LRRIQ1: variants seen among roughly 807,000 people sequenced by gnomAD.
LRRIQ1 encodes leucine rich repeats and IQ motif containing 1, also known as leucine-rich repeat- and IQ domain-containing protein 1.
Under a neutral mutation model 211.9 loss-of-function variants are expected in LRRIQ1, and 210 were observed. That is an observed-to-expected ratio of 0.99 (90% confidence interval 0.89 to 1.11). LRRIQ1 has a LOEUF of 1.11. Among genes scored for constraint, LRRIQ1 ranks in the 50% most tolerant of loss-of-function variants. LRRIQ1 has a pLI of 0.00. For synonymous variants in LRRIQ1, 699 were observed against 650.1 expected (o/e 1.08, Z -1.14); for missense variants, 2,136 against 1,939.5 (o/e 1.10, Z -1.90).
intron 24 of LRRIQ1, among the ~76,000 whole-genome samples, chr12:85,195,238 A>G (rs1892831317): frequency 6.6e-6 from 1 of 152,012 alleles, no homozygotes; most frequent in Non-Finnish European, 1.5e-5. Context: ...GAATTCTACC[A>G]GAGGTACAAG....
intron 26 of LRRIQ1, among the ~76,000 whole-genome samples, chr12:85,241,000 C>T (rs1234959896): frequency 6.6e-6 from 1 of 151,992 alleles, no homozygotes; most frequent in Non-Finnish European, 1.5e-5. Context: ...ATAATTTATA[C>T]ATATGATAAA....
intron 24 of LRRIQ1, among the ~76,000 whole-genome samples, chr12:85,179,470 A>C (rs529199138): frequency 6.6e-6 from 1 of 152,120 alleles, no homozygotes; most frequent in Admixed American, 6.6e-5. Context: ...CAATATTGTG[A>C]TTATAATATT....
intron 9 of LRRIQ1, among the ~76,000 whole-genome samples, 192 bp downstream of exon 9, chr12:85,065,606 A>G (rs1160699434): frequency 6.6e-6 from 1 of 151,830 alleles, no homozygotes; most frequent in Non-Finnish European, 1.5e-5. Context: ...ACAACCTAAA[A>G]TGACCTATCT....
At chr12:85,230,347 G>A (rs1213993740) in intron 25 of LRRIQ1, among the ~76,000 whole-genome samples, 1 of 152,152 alleles carries the variant, frequency 6.6e-6, no homozygotes, top group Admixed American at 6.5e-5. Context: ...GTGTCAGCAG[G>A]TTTAGTATCT....
intron 26 of LRRIQ1, among the ~76,000 whole-genome samples, chr12:85,243,147 G>A (rs1275545282): frequency 2.0e-5 from 3 of 149,384 alleles, no homozygotes; most frequent in Non-Finnish European, 4.5e-5. Context: ...TGTTACCTAA[G>A]TAGCCTCTCC....
chr12:85,250,118 A>C (rs1895860360), intron 1 of LRRIQ1, among the ~76,000 whole-genome samples: 1 of 151,808 alleles, frequency 6.6e-6, no homozygotes, highest in Non-Finnish European at 1.5e-5. Context: ...GAATTGATAC[A>C]TGGATGGATG....
intron 24 of LRRIQ1, among the ~76,000 whole-genome samples, chr12:85,218,404 T>A (rs1011427628): frequency 1.8e-4 from 28 of 152,100 alleles, no homozygotes; most frequent in Non-Finnish European, 4.4e-5. Context: ...TTTACTTTTT[T>A]AAATAAAAAA....
intron 1 of LRRIQ1, among the ~76,000 whole-genome samples, chr12:85,259,788 A>G (rs766225118): frequency 1.3e-5 from 2 of 152,132 alleles, no homozygotes; most frequent in Non-Finnish European, 2.9e-5. Context: ...TGCTTAAGGA[A>G]TTATACCAAG....
intron 24 of LRRIQ1, among the ~76,000 whole-genome samples, chr12:85,198,659 C>G (rs1244882280): frequency 2.6e-5 from 4 of 151,888 alleles, no homozygotes; most frequent in African/African-American, 9.7e-5. Context: ...GCTCCGCCTC[C>G]TGGGTTCACT....
chr12:85,129,956 C>T (rs1381402781), intron 18 of LRRIQ1, among the ~76,000 whole-genome samples: 1 of 152,150 alleles, frequency 6.6e-6, no homozygotes, highest in Non-Finnish European at 1.5e-5. Context: ...AAGAATATCA[C>T]ATTCCAGAAT....
chr12:85,262,950 A>G (rs1896338945), exon 2 of LRRIQ1: 3 of 986,928 alleles, frequency 3.0e-6, no homozygotes, highest in Middle Eastern at 2.8e-4. Flanking sequence ...ATCGCCAATA[A>G]TAACAAATAC....
intron 15 of LRRIQ1, among the ~76,000 whole-genome samples, chr12:85,108,369 C>T (rs1886932273): frequency 6.6e-6 from 1 of 152,044 alleles, no homozygotes; most frequent in Non-Finnish European, 1.5e-5. Context: ...CTCAAGAAAT[C>T]CTCCCACCTC....
intron 26 of LRRIQ1, among the ~76,000 whole-genome samples, chr12:85,236,567 G>T (rs1364726695): frequency 6.6e-6 from 1 of 151,896 alleles, no homozygotes; most frequent in Non-Finnish European, 1.5e-5. Flanking sequence ...ACTGGATATT[G>T]CAGAAGGATG....
intron 25 of LRRIQ1, 65 bp from the exon 26 acceptor site, chr12:85,232,631 G>A (rs375023546): frequency 6.1e-6 from 8 of 1,313,164 alleles, no homozygotes; most frequent in South Asian, 2.7e-5. Context: ...TTAGTTGGAC[G>A]TTTCTTTTAT....
chr12:85,108,803 T>G (rs960674397), intron 15 of LRRIQ1, among the ~76,000 whole-genome samples: 1 of 152,152 alleles, frequency 6.6e-6, no homozygotes, highest in Non-Finnish European at 1.5e-5. Flanking sequence ...GGCTACAATT[T>G]AGGAAAATGA....
chr12:85,219,993 G>A (rs1455390120), intron 24 of LRRIQ1, among the ~76,000 whole-genome samples: 2 of 152,024 alleles, frequency 1.3e-5, no homozygotes, highest in African/African-American at 4.8e-5. Flanking sequence ...TTTTAGTTGT[G>A]CTTTATTTGT....
chr12:85,236,675 T>G (rs1284820137), intron 26 of LRRIQ1, among the ~76,000 whole-genome samples: 2 of 151,618 alleles, frequency 1.3e-5, no homozygotes, highest in East Asian at 1.9e-4. Flanking sequence ...AGTAGGTATT[T>G]GAATACCCTA....
At chr12:85,170,994 G>A (rs1369788950) in intron 24 of LRRIQ1, among the ~76,000 whole-genome samples, 1 of 151,842 alleles carries the variant, frequency 6.6e-6, no homozygotes. Flanking sequence ...TAAAATATCT[G>A]GCACACAGTG....
At chr12:85,166,000 C>G (rs1252526065) in intron 24 of LRRIQ1, among the ~76,000 whole-genome samples, 1 of 152,054 alleles carries the variant, frequency 6.6e-6, no homozygotes, top group Non-Finnish European at 1.5e-5. Context: ...ATTTTCAGTT[C>G]TTTGAGAAAT....
Sources: gnomAD v4.1 joint callset for allele counts (sites outside exome capture counted in the v4.1 genomes callset) on GRCh38, gnomAD v4.1.1 for gene constraint, MANE v1.5 for transcripts, NCBI Gene and HGNC (gene_info 2026-07-23, HGNC 2026-07-21) for gene names.